The following SHISAL1 variants were observed in gnomAD, a reference collection of about 807,000 sequenced individuals.
SHISAL1 encodes the protein protein shisa-like-1.
SHISAL1 carries 9 observed loss-of-function variants against 22.6 expected under a neutral mutation model. The observed-to-expected ratio is 0.40, with a 90% CI of 0.24 to 0.70. SHISAL1 has a LOEUF of 0.70. SHISAL1 is among the 30% of genes least tolerant of loss of function. The pLI, the probability that SHISAL1 is intolerant of heterozygous loss-of-function variation, is 0.39. For synonymous variants in SHISAL1, 119 were observed against 115.4 expected (o/e 1.03, Z -0.20); for missense variants, 246 against 270.6 (o/e 0.91, Z 0.64).
rs1427013759 is a variant in SHISAL1, at chr22:44,247,951, C to T, written c.*1734G>A. On this transcript the variant is annotated 3_prime_UTR_variant, in exon 5 of 5. Transcript: ENST00000381176. ...CTGTGGCTGCCGCAGGATCTTTGCA[C>T]TAGCCGTTCCTTCTGCCTGGAATGC... is the stretch of plus-strand genomic sequence containing the variant. 9 of 152,092 alleles carry T rather than the reference C, an allele frequency of 5.9e-5. No individual in the cohort carries two copies. The highest frequency in any genetic ancestry group is 1.5e-5 in the Non-Finnish European group (1 of 68,060). 9.4% of individuals were successfully genotyped at this position (152,092 alleles called of 1,614,324 possible).
At chr22:44,303,110 C>T (rs946916741) in intron 1 of SHISAL1, among the ~76,000 whole-genome samples, 4 of 152,094 alleles carry the variant, frequency 2.6e-5, no homozygotes, top group African/African-American at 4.8e-5. Flanking sequence ...CCTCCCAGAG[C>T]CCCTGTTGCC....
At chr22:44,285,958 T>TC (rs1402645067) in intron 3 of SHISAL1, among the ~76,000 whole-genome samples, 2 of 152,080 alleles carry the variant, frequency 1.3e-5, no homozygotes, top group Admixed American at 1.3e-4. Flanking sequence ...CCGGGCCTGG[T>TC]CCCCACCTGG....
At chr22:44,325,706 C>G in the SHISAL1 span, among the ~76,000 whole-genome samples, 1 of 152,040 alleles carries the variant, frequency 6.6e-6, no homozygotes, top group Non-Finnish European at 1.5e-5. Flanking sequence ...CCTTGGGCTA[C>G]CCAAGGGCAG....
rs1018022750 is a variant in SHISAL1, at chr22:44,310,973, G to A, written c.-33+1778C>T. 2.6e-5 allele frequency among the ~76,000 whole-genome samples: 4 copies of A among 152,132 alleles called. No individual in the cohort carries two copies. The highest frequency in any genetic ancestry group is 9.7e-5 in the African/African-American group (4 of 41,428). On this transcript the variant is annotated intron_variant, in intron 1 of 4. Coordinates refer to ENST00000381176, the MANE Select transcript of SHISAL1 (RefSeq NM_001099294.2). The surrounding 1 kb of genome is among the most constrained non-coding windows in gnomAD (Gnocchi z 4.0). ...CCATTAGCACTCGTTGGCCTGGTTT[G>A]TTTTATTGCAAAGAGCAAACTTCCA...
At chr22:44,281,908 G>A (rs558330396) in intron 4 of SHISAL1, among the ~76,000 whole-genome samples, 2 of 152,212 alleles carry the variant, frequency 1.3e-5, no homozygotes, top group Admixed American at 6.5e-5. Flanking sequence ...TCCCACGGGC[G>A]GGGGACGGCA....
At chr22:44,273,276 T>G (rs532031870) in intron 4 of SHISAL1, among the ~76,000 whole-genome samples, 9 of 152,160 alleles carry the variant, frequency 5.9e-5, no homozygotes, top group Non-Finnish European at 1.3e-4. Flanking sequence ...TTGTAGCACG[T>G]GCTGTCAATT....
intron 2 of SHISAL1, among the ~76,000 whole-genome samples, chr22:44,298,451 G>T (rs2055402761): frequency 6.6e-6 from 1 of 152,098 alleles, no homozygotes; most frequent in Admixed American, 6.6e-5. Context: ...CCCTCCAGGG[G>T]ATGCTGATGG....
chr22:44,321,218 A>G, the SHISAL1 span, among the ~76,000 whole-genome samples: 1 of 152,128 alleles, frequency 6.6e-6, no homozygotes, highest in Non-Finnish European at 1.5e-5. Context: ...CAATCCAGTA[A>G]CTAACCCACC....
intron 4 of SHISAL1, among the ~76,000 whole-genome samples, chr22:44,269,534 C>G (rs1173026678): frequency 1.3e-5 from 2 of 150,282 alleles, no homozygotes; most frequent in African/African-American, 4.9e-5. Flanking sequence ...AATATACACA[C>G]ACACCATGCC....
chr22:44,299,833 CAG>C (rs1249101794), intron 2 of SHISAL1, among the ~76,000 whole-genome samples: 1 of 149,790 alleles, frequency 6.7e-6, no homozygotes, highest in Admixed American at 6.6e-5. Context: ...GACAGAGACA[CAG>C]AGAGATAGAC....
In SHISAL1 at chr22:44,310,728, G is replaced by A. The variant is rs952505955; in HGVS notation, c.-33+2023C>T. Among the ~76,000 whole-genome samples the A allele has an allele frequency of 1.3e-5, 2 of 152,074 alleles. No homozygotes were observed. Among genetic ancestry groups the A allele is most frequent in the African/African-American group, 4.8e-5 (2 of 41,402 alleles). On this transcript the variant is annotated intron_variant, in intron 1 of 4. Transcript: ENST00000381176. This position sits in a 1 kb window ranked among gnomAD's most constrained non-coding sequence, Gnocchi z 4.0. Reference sequence around the variant, plus strand: ...CCCCTTGGCAAATGAAATTGTGTTTGAACTCCATGTCTACGTCTGATTTCC... The same window carrying A: ...CCCCTTGGCAAATGAAATTGTGTTTAAACTCCATGTCTACGTCTGATTTCC...
rs535985026 is a variant in SHISAL1, at chr22:44,260,639, T to A, written c.*-10954A>T. 2.0e-5 allele frequency among the ~76,000 whole-genome samples: 3 copies of A among 152,358 alleles called. No homozygotes were observed. In the South Asian group the frequency reaches 6.2e-4, roughly 32 times the overall value. ...TTCCCTTTTAAGCTGCTCAGTTCCC[T>A]GGAAAACTTAAAATGCAGAGCCAAA... On this transcript the variant is annotated intron_variant, in intron 4 of 4. Transcript: ENST00000381176.
In SHISAL1 at chr22:44,310,769, G is replaced by A. The variant is rs117475466; in HGVS notation, c.-33+1982C>T. 7.1e-3 allele frequency among the ~76,000 whole-genome samples: 1,083 copies of A among 152,014 alleles called. 9 individuals are homozygous for A. Among genetic ancestry groups the A allele is most frequent in the Non-Finnish European group, 0.011 (723 of 68,006 alleles). On this transcript the variant is annotated intron_variant, in intron 1 of 4. Coordinates refer to ENST00000381176, the MANE Select transcript of SHISAL1 (RefSeq NM_001099294.2). The surrounding 1 kb of genome is among the most constrained non-coding windows in gnomAD (Gnocchi z 4.0). ...TCTGATTTCCCCAGTTCATCTTTCC[G>A]TGCTTTGCTTGTTCCTTTAGTTGGC... is the stretch of plus-strand genomic sequence containing the variant.
chr22:44,281,894 T>C (rs559274026), intron 4 of SHISAL1, among the ~76,000 whole-genome samples: 2 of 152,332 alleles, frequency 1.3e-5, no homozygotes, highest in South Asian at 2.1e-4. Flanking sequence ...AACTCAGTTA[T>C]AAATCCCACG....
At position 44,266,707 on chromosome 22, in the gene SHISAL1, C is replaced by T. The variant is rs1270167187; in HGVS notation, c.*-17022G>A. 5.3e-5 allele frequency among the ~76,000 whole-genome samples: 8 copies of T among 152,044 alleles called. No individual in the cohort carries two copies. The South Asian group carries it at 8.3e-4, about 16-fold the overall frequency. On this transcript the variant is annotated intron_variant, in intron 4 of 4. Coordinates refer to ENST00000381176, the MANE Select transcript of SHISAL1 (RefSeq NM_001099294.2). Reference sequence around the variant, plus strand: ...GGCCTCTCTGAGCCTGAGTTTCTGACAAAATGGCAAGAAAAACGCCACTGG... The same window carrying T: ...GGCCTCTCTGAGCCTGAGTTTCTGATAAAATGGCAAGAAAAACGCCACTGG...
chr22:44,266,703 C>CA (rs2055166690), intron 4 of SHISAL1, among the ~76,000 whole-genome samples: 1 of 152,024 alleles, frequency 6.6e-6, no homozygotes, highest in South Asian at 2.1e-4. Context: ...GCCTGAGTTT[C>CA]TGACAAAATG....
chr22:44,251,239 G>C (rs1387025790), intron 4 of SHISAL1, among the ~76,000 whole-genome samples: 5 of 152,210 alleles, frequency 3.3e-5, no homozygotes, highest in African/African-American at 1.2e-4. Context: ...CTGGCATACT[G>C]TAGGGGCTTA....
At chr22:44,308,553 G>A (rs1406607866) in intron 1 of SHISAL1, among the ~76,000 whole-genome samples, 2 of 152,178 alleles carry the variant, frequency 1.3e-5, no homozygotes. Flanking sequence ...CCACCTCTCA[G>A]GGCAGTTCTT....
At chr22:44,330,771 C>T in the SHISAL1 span, among the ~76,000 whole-genome samples, 1 of 152,252 alleles carries the variant, frequency 6.6e-6, no homozygotes, top group South Asian at 2.1e-4. Context: ...ATGGCAACCA[C>T]GGGCACTAAT....
Sources: allele counts gnomAD v4.1 joint callset (sites outside exome capture counted in the v4.1 genomes callset), GRCh38; gene constraint gnomAD v4.1.1; non-coding constraint Gnocchi (gnomAD v3.1); transcripts MANE v1.5; gene names NCBI Gene and HGNC (gene_info 2026-07-23, HGNC 2026-07-21).